Variants in KCNQ3 observed in about 807,000 individuals in gnomAD.
The protein encoded by KCNQ3 is potassium voltage-gated channel subfamily Q member 3, also known as potassium voltage-gated channel subfamily KQT member 3.
Under a neutral mutation model 92.5 loss-of-function variants are expected in KCNQ3, and 30 were observed. The ratio of observed to expected loss-of-function variants is 0.32; its 90% CI spans 0.24 to 0.44. The LOEUF (loss-of-function observed/expected upper bound fraction) is 0.44, where lower values mean the gene tolerates loss of function less well. Among genes scored for constraint, KCNQ3 ranks in the 20% least tolerant of loss-of-function variants. The pLI, the probability that KCNQ3 is intolerant of heterozygous loss-of-function variation, is 1.00. For synonymous variants in KCNQ3, 450 were observed against 468.8 expected, an observed-to-expected ratio of 0.96 and a Z score of 0.52; for missense variants, 913 against 1,140.3, an observed-to-expected ratio of 0.80 and a Z score of 2.87.
chr8:132,381,109 C>T (rs1819739230), intron 1 of KCNQ3, among the ~76,000 whole-genome samples: 1 of 152,128 alleles, frequency 6.6e-6, no homozygotes, highest in South Asian at 2.1e-4. Flanking sequence ...AAGGACATTG[C>T]ACACATATGC....
chr8:132,436,510 C>A (rs966811903), intron 1 of KCNQ3, among the ~76,000 whole-genome samples: 1 of 152,196 alleles, frequency 6.6e-6, no homozygotes, highest in African/African-American at 2.4e-5. Context: ...TGATACCATA[C>A]CTTACCTTAC....
At chr8:132,442,675 G>A (rs551520995) in intron 1 of KCNQ3, among the ~76,000 whole-genome samples, 5 of 152,050 alleles carry the variant, frequency 3.3e-5, no homozygotes, top group East Asian at 3.9e-4. Flanking sequence ...GCTCCTACCC[G>A]GGCCTTGGTC....
rs762220006 is a variant in KCNQ3 at position 132,141,307 on chromosome 8, C to T, written c.1287G>A (p.Arg429=). 1 of 1,614,128 alleles carries T rather than the reference C, an allele frequency of 6.2e-7. No individual in the cohort carries two copies. The highest frequency in any genetic ancestry group is 1.3e-5 in the African/African-American group (1 of 75,024). The stretch of plus-strand genomic sequence containing the variant: ...TACCACGAGGATTAGAAAGGCGAAC[C>T]CGATCCAAGAGACCCAGCTTTTGGC... The part of the protein sequence containing the change: ...ASSQKLGLLD[R]VRLSNPRGSN... The change falls in exon 10 of 15, where the codon CGG becomes CGA. Residue 429 remains arginine (R), a synonymous_variant. Coordinates refer to ENST00000388996, the MANE Select transcript of KCNQ3 (RefSeq NM_004519.4).
intron 1 of KCNQ3, among the ~76,000 whole-genome samples, chr8:132,263,717 G>C (rs1408565954): frequency 1.3e-5 from 2 of 152,232 alleles, no homozygotes; most frequent in African/African-American, 4.8e-5. Flanking sequence ...TGGGGATGTA[G>C]AGGCTCCTTC....
chr8:132,195,691 C>A (rs1327104492), intron 1 of KCNQ3, among the ~76,000 whole-genome samples: 1 of 152,122 alleles, frequency 6.6e-6, no homozygotes, highest in African/African-American at 2.4e-5. Context: ...GAAAGGTAAA[C>A]CAGGTTCCCC....
In KCNQ3 at chr8:132,129,895, G is replaced by T. The variant is rs140383266; in HGVS notation, c.1986C>A (p.Gly662=). The change falls in exon 15 of 15, where the codon GGC becomes GGA. Residue 662 remains glycine (G), a synonymous_variant. Transcript: ENST00000388996. The surrounding 1 kb of genome is among the most constrained non-coding windows in gnomAD (Gnocchi z 5.9). ...TCTCTGCTTCAGCTGGCGAGGAGGT[G>T]CCCTTGGTTGGGTAATACTCCGTGA... ...VQVTEYYPTK[G]TSSPAEAEKK... is the part of the protein sequence containing the mutation. 170 of 1,613,996 alleles carry T rather than the reference G, an allele frequency of 1.1e-4. No homozygotes were observed. The highest frequency in any genetic ancestry group is 1.4e-4 in the Non-Finnish European group (162 of 1,180,038).
chr8:132,149,736 CG>C (rs1825575910), intron 9 of KCNQ3, among the ~76,000 whole-genome samples: 1 of 152,150 alleles, frequency 6.6e-6, no homozygotes. Flanking sequence ...GCTTCCCTAC[CG>C]ACTGGAGTGC....
Position 132,436,586 on chromosome 8 carries a change from T to A in KCNQ3, c.386+43561A>T, listed in dbSNP as rs182749160. On this transcript the variant is annotated intron_variant, in intron 1 of 14. Coordinates refer to ENST00000388996, the MANE Select transcript of KCNQ3 (RefSeq NM_004519.4). Reference sequence around the variant, plus strand: ...GGGGATTATTTGTACAGGAATCTTCTTCAGGCCAGGCAAATATTTTTGTTT... The same window carrying A: ...GGGGATTATTTGTACAGGAATCTTCATCAGGCCAGGCAAATATTTTTGTTT... 3.1e-3 allele frequency among the ~76,000 whole-genome samples: 470 copies of A among 152,372 alleles called. 2 individuals carry two copies. The highest frequency in any genetic ancestry group is 0.01 in the African/African-American group (434 of 41,580).
intron 1 of KCNQ3, among the ~76,000 whole-genome samples, chr8:132,345,525 A>G (rs1462566951): frequency 2.6e-5 from 4 of 152,230 alleles, no homozygotes; most frequent in Non-Finnish European, 4.4e-5. Context: ...TTCCTGGAGT[A>G]CAGTTGTAAT....
At chr8:132,404,218 T>C (rs73708450) in intron 1 of KCNQ3, among the ~76,000 whole-genome samples, 2,043 of 151,510 alleles carry the variant, frequency 0.013, 44 homozygotes, top group African/African-American at 0.047. Context: ...AAGCATCACC[T>C]ACCAAAAGCT....
intron 1 of KCNQ3, among the ~76,000 whole-genome samples, chr8:132,443,861 C>G (rs79316054): frequency 6.6e-5 from 10 of 152,244 alleles, no homozygotes; most frequent in South Asian, 2.1e-4. Flanking sequence ...CTTTACCCCC[C>G]CATTTGTCTT....
At chr8:132,403,560 G>A (rs562965995) in intron 1 of KCNQ3, among the ~76,000 whole-genome samples, 15 of 152,286 alleles carry the variant, frequency 9.8e-5, no homozygotes, top group Admixed American at 9.8e-4. Flanking sequence ...CCTTAAAAAT[G>A]CCACCCTATA....
rs577376996 is a variant in KCNQ3 at position 132,419,666 on chromosome 8, T to TA, written c.386+60480dup. 1.3e-4 allele frequency among the ~76,000 whole-genome samples: 20 copies of TA among 152,320 alleles called. No individual in the cohort carries two copies. In the East Asian group the frequency reaches 3.9e-3, roughly 29 times the overall value. On this transcript the variant is annotated intron_variant, in intron 1 of 14. Coordinates refer to ENST00000388996, the MANE Select transcript of KCNQ3 (RefSeq NM_004519.4). ...TGAGAACTGTTTTCTATGTAGCCAG[T>TA]AGATACAGGTGCTATTCTAGGTGTT... is the stretch of plus-strand genomic sequence containing the variant.
chr8:132,123,619 G>C lies in KCNQ3; in HGVS notation c.*5643C>G, dbSNP rs1039021438. 6.6e-6 allele frequency: 1 copy of C among 152,180 alleles called. No individual in the cohort carries two copies. Among genetic ancestry groups the C allele is most frequent in the Non-Finnish European group, 1.5e-5 (1 of 68,026 alleles). 9.4% of individuals were successfully genotyped at this position (152,180 alleles called of 1,614,324 possible). ...TTTTGTCTCTAACATCTGGAGCAAAGATCAGAAGACCTGAGTTCCAGATTT... is the reference window on the plus strand; with the variant it reads ...TTTTGTCTCTAACATCTGGAGCAAACATCAGAAGACCTGAGTTCCAGATTT... On this transcript the variant is annotated 3_prime_UTR_variant, in exon 15 of 15. Coordinates refer to ENST00000388996, the MANE Select transcript of KCNQ3 (RefSeq NM_004519.4).
At chr8:132,294,731 G>A (rs1314455769) in intron 1 of KCNQ3, among the ~76,000 whole-genome samples, 1 of 152,172 alleles carries the variant, frequency 6.6e-6, no homozygotes, top group Non-Finnish European at 1.5e-5. Flanking sequence ...TAGGAGTACA[G>A]ATCAGATAAA....
At chr8:132,392,896 T>C (rs1820088562) in intron 1 of KCNQ3, among the ~76,000 whole-genome samples, 1 of 151,868 alleles carries the variant, frequency 6.6e-6, no homozygotes, top group South Asian at 2.1e-4. Context: ...TCATCTTATA[T>C]CTTAAGATAA....
intron 1 of KCNQ3, chr8:132,187,128 G>C: frequency 2.2e-6 from 1 of 455,744 alleles, no homozygotes; most frequent in Admixed American, 2.4e-5. Context: ...TATGGGTGAA[G>C]CTTGGTAGTA....
intron 1 of KCNQ3, among the ~76,000 whole-genome samples, chr8:132,186,940 GAGAGAGAGAGAGAGAC>G (rs1329706559): frequency 1.3e-3 from 149 of 111,350 alleles, no homozygotes; most frequent in African/African-American, 5.4e-3. Context: ...GTGTGAGAGA[GAGAGAGAGAGAGAGAC>G]AGAGAGAGAG....
rs181157286 is a variant in KCNQ3, at chr8:132,153,093, C to A, written c.1262+10375G>T. Among the ~76,000 whole-genome samples the A allele has an allele frequency of 1.6e-4, 25 of 152,280 alleles. No individual in the cohort carries two copies. The East Asian group carries it at 4.8e-3, about 29-fold the overall frequency. ...TAAAAGTTTTTGCCTACATTTTAGA[C>A]TAACCCTGATTGTTCCTGTGAACCA... On this transcript the variant is annotated intron_variant, in intron 9 of 14. Coordinates refer to ENST00000388996, the MANE Select transcript of KCNQ3 (RefSeq NM_004519.4).
Sources: gnomAD v4.1 joint callset for allele counts (sites outside exome capture counted in the v4.1 genomes callset) on GRCh38, gnomAD v4.1.1 for gene constraint, Gnocchi (gnomAD v3.1) non-coding constraint, MANE v1.5 for transcripts, NCBI Gene and HGNC (gene_info 2026-07-23, HGNC 2026-07-21) for gene names.